PTPRN2: variants seen among roughly 807,000 people sequenced by gnomAD.
PTPRN2 encodes the protein protein tyrosine phosphatase receptor type N2, also known as receptor-type tyrosine-protein phosphatase N2.
PTPRN2 carries 74 observed loss-of-function variants against 118.8 expected under a neutral mutation model. The ratio of observed to expected loss-of-function variants is 0.62; its 90% CI spans 0.52 to 0.76. PTPRN2 has a LOEUF of 0.76. PTPRN2 is among the 30% of genes least tolerant of loss of function. PTPRN2 has a pLI of 0.00. For missense variants in PTPRN2, 1,481 were observed against 1,394.4 expected (o/e 1.06, Z -0.99); for synonymous variants, 641 against 608.0 (o/e 1.05, Z -0.80).
chr7:157,822,092 C>T (rs1394944241), intron 12 of PTPRN2, among the ~76,000 whole-genome samples: 1 of 151,824 alleles, frequency 6.6e-6, no homozygotes, highest in Admixed American at 6.6e-5. Flanking sequence ...CATCAATCAC[C>T]CATACACTCA....
At chr7:158,533,529 G>C (rs1279436114) in intron 1 of PTPRN2, among the ~76,000 whole-genome samples, 1 of 152,202 alleles carries the variant, frequency 6.6e-6, no homozygotes, top group Non-Finnish European at 1.5e-5. Context: ...GGCACCGCCA[G>C]GACCCTGTCC....
chr7:157,848,912 C>T (rs1440357393), intron 12 of PTPRN2, among the ~76,000 whole-genome samples: 1 of 152,208 alleles, frequency 6.6e-6, no homozygotes, highest in Admixed American at 6.5e-5. Flanking sequence ...CTCACTTGGC[C>T]GCTGCCACCC....
chr7:157,935,264 A>C (rs1799627873), intron 11 of PTPRN2, among the ~76,000 whole-genome samples: 1 of 152,076 alleles, frequency 6.6e-6, no homozygotes, highest in Non-Finnish European at 1.5e-5. Context: ...CATCTTCTGG[A>C]ACTGTCACGT....
intron 3 of PTPRN2, among the ~76,000 whole-genome samples, chr7:158,260,195 A>T (rs1402787880): frequency 1.3e-5 from 2 of 152,216 alleles, no homozygotes; most frequent in African/African-American, 2.4e-5. Context: ...TACAGTCACC[A>T]GGCTGCCTAA....
At chr7:157,630,508 T>C (rs965858318) in intron 14 of PTPRN2, among the ~76,000 whole-genome samples, 11 of 152,170 alleles carry the variant, frequency 7.2e-5, no homozygotes, top group Non-Finnish European at 1.5e-4. Context: ...TAACACACCG[T>C]GTGCCCGTCA....
intron 2 of PTPRN2, among the ~76,000 whole-genome samples, chr7:158,489,481 C>T (rs1821272803): frequency 2.6e-5 from 4 of 152,216 alleles, no homozygotes; most frequent in Admixed American, 2.6e-4. Context: ...AAAAACTTGC[C>T]GAAGGACAGA....
chr7:158,373,582 C>T (rs575603333), intron 2 of PTPRN2, among the ~76,000 whole-genome samples: 3 of 152,224 alleles, frequency 2.0e-5, no homozygotes, highest in East Asian at 1.9e-4. Context: ...CTGAAGCAAA[C>T]GAAGTCTCTC....
At chr7:158,390,651 G>A (rs1426387793) in intron 2 of PTPRN2, among the ~76,000 whole-genome samples, 9 of 152,178 alleles carry the variant, frequency 5.9e-5, no homozygotes, top group Admixed American at 5.9e-4. Context: ...GCCAACTGCT[G>A]TCCACTGCCC....
chr7:158,376,521 A>C (rs1336738158), intron 2 of PTPRN2, among the ~76,000 whole-genome samples: 5 of 97,950 alleles, frequency 5.1e-5, no homozygotes, highest in South Asian at 4.0e-4. Context: ...ACACGTCCTG[A>C]GAGGGGGGTC....
At position 157,783,342 on chromosome 7, in the gene PTPRN2, A is replaced by G. The variant is rs545329646; in HGVS notation, c.1789-100405T>C. 3.7e-4 allele frequency among the ~76,000 whole-genome samples: 56 copies of G among 151,586 alleles called. 1 individual carries two copies. The South Asian group carries it at 0.011, about 31-fold the overall frequency. ...CATCTGAATATGTAATGCACAATGG[A>G]CACTCCCATGCACAGCACACCGGGA... On this transcript the variant is annotated intron_variant, in intron 12 of 22. Transcript: ENST00000389418.
intron 2 of PTPRN2, among the ~76,000 whole-genome samples, chr7:158,323,143 G>T (rs1803177747): frequency 6.6e-6 from 1 of 152,242 alleles, no homozygotes; most frequent in Admixed American, 6.5e-5. Flanking sequence ...GCTTCTTGCT[G>T]CCCTGGCTGG....
At chr7:157,631,346 T>G (rs1293140654) in intron 14 of PTPRN2, among the ~76,000 whole-genome samples, 1 of 152,226 alleles carries the variant, frequency 6.6e-6, no homozygotes, top group East Asian at 1.9e-4. Context: ...CAACGTGTGG[T>G]GCGTGTTGGT....
At chr7:158,252,828 T>A (rs188878375) in intron 3 of PTPRN2, among the ~76,000 whole-genome samples, 2 of 152,026 alleles carry the variant, frequency 1.3e-5, no homozygotes, top group Non-Finnish European at 2.9e-5. Flanking sequence ...CTCCCCAACA[T>A]GAGCCACCCC....
At chr7:157,554,712 G>A (rs1352693240) in intron 21 of PTPRN2, among the ~76,000 whole-genome samples, 2 of 152,202 alleles carry the variant, frequency 1.3e-5, no homozygotes, top group African/African-American at 4.8e-5. Context: ...AGGAGTCAGC[G>A]CACACACAAA....
intron 6 of PTPRN2, among the ~76,000 whole-genome samples, chr7:158,151,943 G>A (rs1264012032): frequency 6.6e-6 from 1 of 152,136 alleles, no homozygotes; most frequent in East Asian, 1.9e-4. Context: ...GGAGGCCGAG[G>A]CGGGTGGATC....
At chr7:158,442,398 A>T (rs918609568) in intron 2 of PTPRN2, among the ~76,000 whole-genome samples, 2 of 152,150 alleles carry the variant, frequency 1.3e-5, no homozygotes, top group Non-Finnish European at 2.9e-5. Context: ...CATGGTTATC[A>T]TCTGCATGAT....
chr7:158,276,337 C>T (rs1167796654), intron 3 of PTPRN2, among the ~76,000 whole-genome samples: 5 of 53,358 alleles, frequency 9.4e-5, no homozygotes, highest in African/African-American at 2.2e-4. Flanking sequence ...CACCCCCGCA[C>T]CCCGGCCCCG....
At chr7:158,422,975 A>G (rs1490348198) in intron 2 of PTPRN2, among the ~76,000 whole-genome samples, 1 of 152,246 alleles carries the variant, frequency 6.6e-6, no homozygotes, top group Non-Finnish European at 1.5e-5. Flanking sequence ...GGAGAGGGTG[A>G]CGATAGCCAA....
At chr7:157,762,734 T>G (rs1303791534) in intron 12 of PTPRN2, among the ~76,000 whole-genome samples, 2 of 151,508 alleles carry the variant, frequency 1.3e-5, no homozygotes, top group Non-Finnish European at 2.9e-5. Context: ...CCCTAAAACT[T>G]AAAGTATAAT....
Sources: gnomAD v4.1 joint callset for allele counts (sites outside exome capture counted in the v4.1 genomes callset) on GRCh38, gnomAD v4.1.1 for gene constraint, MANE v1.5 for transcripts, NCBI Gene and HGNC (gene_info 2026-07-23, HGNC 2026-07-21) for gene names.